The following FARP1 variants were observed in gnomAD, a reference collection of about 807,000 sequenced individuals.
The protein encoded by FARP1 is FERM, ARHGEF and pleckstrin domain-containing protein 1.
In FARP1, 52 loss-of-function variants were observed where a neutral mutation model predicts 128.8. The observed-to-expected ratio is 0.40, with a 90% CI of 0.32 to 0.51. The LOEUF (loss-of-function observed/expected upper bound fraction) is 0.51, where lower values mean the gene tolerates loss of function less well. Among genes scored for constraint, FARP1 ranks in the 20% least tolerant of loss-of-function variants. FARP1 has a pLI of 0.45. For synonymous variants in FARP1, 580 were observed against 551.8 expected (o/e 1.05, Z -0.72); for missense variants, 1,333 against 1,367.9 (o/e 0.97, Z 0.40).
intron 1 of FARP1, among the ~76,000 whole-genome samples, chr13:98,177,418 G>GGGAGAATCACCCGAGGTC (rs1368425526): frequency 6.6e-6 from 1 of 152,176 alleles, no homozygotes; most frequent in Non-Finnish European, 1.5e-5. Flanking sequence ...AGGCCGAGGT[G>GGGAGAATCACCCGAGGTC]GGAGAATCAC....
At chr13:98,194,774 T>C (rs1459203472) in intron 1 of FARP1, among the ~76,000 whole-genome samples, 3 of 152,238 alleles carry the variant, frequency 2.0e-5, no homozygotes, top group African/African-American at 7.2e-5. Flanking sequence ...TCCAAGCCTT[T>C]CTTTCTAGGA....
chr13:98,448,404 AC>A lies in FARP1; in HGVS notation c.*89del. On this transcript the variant is annotated 3_prime_UTR_variant, in exon 27 of 27. Coordinates refer to ENST00000319562, the MANE Select transcript of FARP1 (RefSeq NM_005766.4). Reference sequence around the variant, plus strand: ...ATTAATGAAGCCTGGTAAAATTAACACCTGTCTGAAAATCAAAAACATGGCT... The same window carrying A: ...ATTAATGAAGCCTGGTAAAATTAACACTGTCTGAAAATCAAAAACATGGCT... The A allele has an allele frequency of 9.2e-7, 1 of 1,089,062 alleles. No individual in the cohort carries two copies. 67.5% of individuals were successfully genotyped at this position (1,089,062 alleles called of 1,614,324 possible).
intron 2 of FARP1, among the ~76,000 whole-genome samples, chr13:98,217,887 A>G (rs1881178453): frequency 1.3e-5 from 2 of 152,134 alleles, no homozygotes; most frequent in Non-Finnish European, 2.9e-5. Flanking sequence ...TCGTTTAACT[A>G]TACGAGAGTT....
intron 2 of FARP1, among the ~76,000 whole-genome samples, chr13:98,314,274 C>CTTTTTTTT (rs140938723): frequency 1.7e-5 from 1 of 60,032 alleles, no homozygotes; most frequent in Non-Finnish European, 2.9e-5. Flanking sequence ...TATTTTATGT[C>CTTTTTTTT]TTTTTTTTTT....
chr13:98,177,297 G>A (rs1878155807), intron 1 of FARP1: 2 of 1,365,792 alleles, frequency 1.5e-6, no homozygotes, highest in Non-Finnish European at 2.0e-6. Context: ...CCCTTGCGTC[G>A]CTGCACGTGG....
At chr13:98,243,656 C>T (rs1446549478) in intron 2 of FARP1, among the ~76,000 whole-genome samples, 11 of 142,682 alleles carry the variant, frequency 7.7e-5, no homozygotes, top group African/African-American at 2.4e-4. Context: ...TAGATCGTGC[C>T]ACTGCGCTCC....
At chr13:98,267,254 C>T (rs1211754504) in intron 2 of FARP1, among the ~76,000 whole-genome samples, 1 of 152,154 alleles carries the variant, frequency 6.6e-6, no homozygotes, top group African/African-American at 2.4e-5. Flanking sequence ...GTCTTTGGGG[C>T]GTGTCTTCCT....
chr13:98,350,774 A>G (rs1566907237), intron 3 of FARP1, among the ~76,000 whole-genome samples: 3 of 151,974 alleles, frequency 2.0e-5, no homozygotes, highest in African/African-American at 7.3e-5. Context: ...GGGCTAGCCA[A>G]TTCTTAGAGA....
At chr13:98,307,516 C>T (rs527433749) in intron 2 of FARP1, among the ~76,000 whole-genome samples, 25 of 152,194 alleles carry the variant, frequency 1.6e-4, no homozygotes, top group African/African-American at 5.5e-4. Flanking sequence ...GAGGTGGTGT[C>T]GTGAGTCCTG....
chr13:98,284,016 T>C (rs1885057071), intron 2 of FARP1, among the ~76,000 whole-genome samples: 1 of 152,212 alleles, frequency 6.6e-6, no homozygotes, highest in Admixed American at 6.5e-5. Flanking sequence ...GTTGCACTGG[T>C]CATGTTTGAA....
chr13:98,360,090 CTTTTTTTTTTTT>C (rs55859311), intron 3 of FARP1, among the ~76,000 whole-genome samples: 4 of 104,604 alleles, frequency 3.8e-5, no homozygotes, highest in East Asian at 6.6e-4. Flanking sequence ...GATTGTGTTG[CTTTTTTTTTTTT>C]TTTTTTTTTT....
chr13:98,219,039 A>G (rs1380612663), intron 2 of FARP1, among the ~76,000 whole-genome samples: 4 of 152,164 alleles, frequency 2.6e-5, no homozygotes, highest in African/African-American at 9.6e-5. Flanking sequence ...TCATTATTAT[A>G]CCTTTTGAAA....
intron 2 of FARP1, among the ~76,000 whole-genome samples, chr13:98,271,788 A>AT (rs1033777446): frequency 6.6e-6 from 1 of 152,094 alleles, no homozygotes; most frequent in Admixed American, 6.5e-5. Flanking sequence ...TATGTGCCAC[A>AT]TTTTCTTTAT....
chr13:98,215,760 T>C (rs1344632322), intron 2 of FARP1, among the ~76,000 whole-genome samples: 1 of 152,146 alleles, frequency 6.6e-6, no homozygotes, highest in African/African-American at 2.4e-5. Flanking sequence ...CATTGTTCGT[T>C]TTCACATGTC....
intron 3 of FARP1, among the ~76,000 whole-genome samples, chr13:98,356,284 CAG>C (rs1489037390): frequency 6.6e-6 from 1 of 152,178 alleles, no homozygotes; most frequent in Admixed American, 6.5e-5. Flanking sequence ...GCGGACATCA[CAG>C]AGTGTACTTA....
chr13:98,199,364 TGATA>T (rs1272443889), intron 1 of FARP1, among the ~76,000 whole-genome samples: 2 of 152,230 alleles, frequency 1.3e-5, no homozygotes, highest in Non-Finnish European at 1.5e-5. Flanking sequence ...TTCTCTTGCC[TGATA>T]GATTATGCAT....
chr13:98,436,219 ACT>A, intron 19 of FARP1: 1 of 204,318 alleles, frequency 4.9e-6, no homozygotes, highest in Non-Finnish European at 9.9e-6. Context: ...ATGCAAGTTC[ACT>A]GACACTGTCG....
At chr13:98,373,191 T>TG (rs1240141561) in intron 5 of FARP1, among the ~76,000 whole-genome samples, 2 of 152,124 alleles carry the variant, frequency 1.3e-5, no homozygotes, top group Non-Finnish European at 2.9e-5. Context: ...AGCCCATGTG[T>TG]GATTGTCACC....
At chr13:98,241,654 G>A (rs1477850523) in intron 2 of FARP1, among the ~76,000 whole-genome samples, 1 of 152,134 alleles carries the variant, frequency 6.6e-6, no homozygotes, top group Non-Finnish European at 1.5e-5. Context: ...GGTGGCTCAC[G>A]CCTGTAATCC....
Sources: gnomAD v4.1 joint callset for allele counts (sites outside exome capture counted in the v4.1 genomes callset) on GRCh38, gnomAD v4.1.1 for gene constraint, MANE v1.5 for transcripts, NCBI Gene and HGNC (gene_info 2026-07-23, HGNC 2026-07-21) for gene names.